The following DNAJA4 variants were observed in gnomAD, a reference collection of about 807,000 sequenced individuals.
DNAJA4 encodes the protein dnaJ homolog subfamily A member 4.
DNAJA4 carries 32 observed loss-of-function variants against 39.7 expected under a neutral mutation model. That is an observed-to-expected ratio of 0.81 (90% CI 0.61 to 1.08). The LOEUF (loss-of-function observed/expected upper bound fraction) is 1.08. Among genes scored for constraint, DNAJA4 ranks in the 50% least tolerant of loss-of-function variants. The pLI, the probability that DNAJA4 is intolerant of heterozygous loss-of-function variation, is 0.00. For synonymous variants in DNAJA4, 184 were observed against 182.4 expected (o/e 1.01, Z -0.07); for missense variants, 439 against 505.1 (o/e 0.87, Z 1.25).
chr15:78,278,935 C>T (rs2049567701), intron 5 of DNAJA4, among the ~76,000 whole-genome samples: 1 of 146,316 alleles, frequency 6.8e-6, no homozygotes, highest in Non-Finnish European at 1.5e-5. Flanking sequence ...TCCCAAAGTG[C>T]TGGGATTACA....
chr15:78,269,694 C>T (rs2049240616), intron 1 of DNAJA4, among the ~76,000 whole-genome samples: 1 of 152,004 alleles, frequency 6.6e-6, no homozygotes, highest in Admixed American at 6.5e-5. Context: ...CCAATAATGT[C>T]CTTTGTAGCC....
In DNAJA4 at chr15:78,281,192, T is replaced by G. The variant is rs2049644499; in HGVS notation, c.*732T>G. On this transcript the variant is annotated 3_prime_UTR_variant, in exon 7 of 7. Transcript: ENST00000394852. ...GACCCTCACACCTTGTTCTTCAGGG[T>G]TTTAATGATTTTCTGTTGACAACTT... is the stretch of plus-strand genomic sequence containing the variant. The G allele has an allele frequency of 1.3e-5, 2 of 152,494 alleles. No homozygotes were observed. The highest frequency in any genetic ancestry group is 4.8e-5 in the African/African-American group (2 of 41,372). 9.4% of individuals were successfully genotyped at this position (152,494 alleles called of 1,614,324 possible). A position where few individuals can be genotyped will look rare whatever the true frequency, so the allele number is the denominator to read the frequency against.
intron 2 of DNAJA4, among the ~76,000 whole-genome samples, chr15:78,271,511 A>G (rs1461426849): frequency 6.6e-6 from 1 of 152,140 alleles, no homozygotes; most frequent in Non-Finnish European, 1.5e-5. Flanking sequence ...AACAAAATTC[A>G]TCTCTTTATG....
intron 1 of DNAJA4, among the ~76,000 whole-genome samples, chr15:78,267,200 A>ATGTGAGTG (rs1197198241): frequency 2.0e-4 from 27 of 138,160 alleles, no homozygotes; most frequent in Admixed American, 2.8e-4. Context: ...GTGAGTGTGT[A>ATGTGAGTG]TGTGAGTGTG....
At chr15:78,277,255 G>C (rs769147463) in intron 5 of DNAJA4, among the ~76,000 whole-genome samples, 1 of 152,142 alleles carries the variant, frequency 6.6e-6, no homozygotes, top group Non-Finnish European at 1.5e-5. Flanking sequence ...CGTGATCTCA[G>C]CTCGCTGTAA....
At chr15:78,268,144 A>ATATCCAT (rs1338191991) in intron 1 of DNAJA4, among the ~76,000 whole-genome samples, 18 of 152,200 alleles carry the variant, frequency 1.2e-4, no homozygotes, top group African/African-American at 4.1e-4. Context: ...ATGACATGTG[A>ATATCCAT]GTATCCAGGG....
In DNAJA4 at chr15:78,281,910, C is replaced by T. The variant is rs535204104; in HGVS notation, c.*1450C>T. The T allele has an allele frequency of 6.6e-5, 10 of 152,314 alleles. 2 individuals are homozygous for T. Among genetic ancestry groups the T allele is most frequent in the African/African-American group, 2.2e-4 (9 of 41,552 alleles). 9.4% of individuals were successfully genotyped at this position (152,314 alleles called of 1,614,324 possible). A position where few individuals can be genotyped will look rare whatever the true frequency, so the allele number is the denominator to read the frequency against. On this transcript the variant is annotated 3_prime_UTR_variant, in exon 7 of 7. Transcript: ENST00000394852. ...AATTTGCTCAAAGTATAGAAACAGC[C>T]CACCTGTGCCCACTTTGACCATTGG...
chr15:78,275,718 A>C lies in DNAJA4; in HGVS notation c.867A>C (p.Thr289=). Reference sequence around the variant, plus strand: ...TGGACAATCGAATTCTTGTTATTACATCCAAAGCAGGTAATGTTTCAAAGT... The same window carrying C: ...TGGACAATCGAATTCTTGTTATTACCTCCAAAGCAGGTAATGTTTCAAAGT... The part of the protein sequence containing the change: ...KTLDNRILVI[T]SKAGEVIKHG... The change falls in exon 5 of 7, where the codon ACA becomes ACC. Residue 289 remains threonine (T), a synonymous_variant. Coordinates refer to ENST00000394852, the MANE Select transcript of DNAJA4 (RefSeq NM_001130182.2). 6.2e-7 allele frequency: 1 copy of C among 1,602,014 alleles called. No individual in the cohort carries two copies. Among genetic ancestry groups the C allele is most frequent in the Non-Finnish European group, 8.5e-7 (1 of 1,171,048 alleles).
At chr15:78,270,725 T>C (rs751554809) in intron 2 of DNAJA4, 48 bp downstream of exon 2, 4 of 1,580,248 alleles carry the variant, frequency 2.5e-6, no homozygotes, top group South Asian at 1.1e-5. Context: ...TTTCCACAAT[T>C]ATACGTGTTG....
At chr15:78,266,550 G>A (rs2049128172) in intron 1 of DNAJA4, among the ~76,000 whole-genome samples, 1 of 152,204 alleles carries the variant, frequency 6.6e-6, no homozygotes, top group Non-Finnish European at 1.5e-5. Context: ...GTTCTGTGAT[G>A]TGCCCATTGC....
intron 4 of DNAJA4, 132 bp downstream of exon 4, chr15:78,274,556 CTT>C (rs775838473): frequency 5.1e-5 from 40 of 777,670 alleles, no homozygotes; most frequent in African/African-American, 2.0e-4. Flanking sequence ...ATGAATTCCT[CTT>C]GTTTCCCAGT....
intron 1 of DNAJA4, chr15:78,266,201 T>G: frequency 6.2e-7 from 1 of 1,612,944 alleles, no homozygotes; most frequent in Non-Finnish European, 8.5e-7. Context: ...AAGGAGAGCT[T>G]GTAGGCTTCT....
chr15:78,265,134 C>CCTGCCGAGCCCATTCATTCCTCCATT (rs2141422478), intron 1 of DNAJA4, among the ~76,000 whole-genome samples: 1 of 152,336 alleles, frequency 6.6e-6, no homozygotes, highest in South Asian at 2.1e-4. Flanking sequence ...CTCGCGAGTC[C>CCTGCCGAGCCCATTCATTCCTCCATT]CTGCCGAGCC....
In DNAJA4 at chr15:78,270,572, C is replaced by T; in HGVS notation, c.208C>T (p.Gln70Ter). The T allele has an allele frequency of 6.2e-7, 1 of 1,614,178 alleles. No individual in the cohort carries two copies. The highest frequency in any genetic ancestry group is 1.3e-5 in the African/African-American group (1 of 75,048). ...GGATGTTTATGACCAAGGCGGAGAG[C>T]AGGCAATTAAAGAAGGAGGCTCAGG... ...KRDVYDQGGE[Q>*]AIKEGGSGSP... Residue 70 changes from glutamine to a stop codon, truncating the protein, a stop_gained, in exon 2 of 7, where the codon CAG (glutamine) becomes TAG (stop). Transcript: ENST00000394852. LOFTEE classifies it high-confidence loss of function.
chr15:78,269,613 T>C (rs2049238285), intron 1 of DNAJA4, among the ~76,000 whole-genome samples: 1 of 152,164 alleles, frequency 6.6e-6, no homozygotes, highest in Non-Finnish European at 1.5e-5. Context: ...TCCTTGTACA[T>C]AACCATAGTA....
At chr15:78,278,981 CA>C (rs34340897) in intron 5 of DNAJA4, among the ~76,000 whole-genome samples, 3 of 149,668 alleles carry the variant, frequency 2.0e-5, no homozygotes, top group African/African-American at 4.9e-5. Flanking sequence ...GACTGTATTT[CA>C]AAAAAAAAGA....
chr15:78,264,554 G>C (rs1595920592), upstream of DNAJA4: 19 of 1,223,638 alleles, frequency 1.6e-5, no homozygotes, highest in East Asian at 4.9e-4. Flanking sequence ...GGAGGAGCCG[G>C]TGGCTCTAGT....
At chr15:78,275,164 C>T (rs758763150) in intron 4 of DNAJA4, 11 of 319,758 alleles carry the variant, frequency 3.4e-5, no homozygotes, top group Non-Finnish European at 5.8e-5. Context: ...AGTCCCAAGT[C>T]ATGCACCCTG....
chr15:78,277,127 A>G (rs2049488249), intron 5 of DNAJA4, among the ~76,000 whole-genome samples: 1 of 152,100 alleles, frequency 6.6e-6, no homozygotes, highest in Non-Finnish European at 1.5e-5. Flanking sequence ...TGATGTTAAC[A>G]TTTTACCCCA....
Sources: allele counts gnomAD v4.1 joint callset (sites outside exome capture counted in the v4.1 genomes callset), GRCh38; gene constraint gnomAD v4.1.1; transcripts MANE v1.5; gene names NCBI Gene and HGNC (gene_info 2026-07-23, HGNC 2026-07-21).